PRELID3B: variants seen among roughly 807,000 people sequenced by gnomAD.
PRELID3B encodes the protein PRELI domain containing 3B, also known as PRELI domain containing protein 3B.
A neutral mutation model predicts 24.0 loss-of-function variants in PRELID3B; 15 were observed. That is an observed-to-expected ratio of 0.63 (90% CI 0.42 to 0.96). PRELID3B has a LOEUF of 0.96. Ranked by LOEUF, PRELID3B falls within the 40% of genes least tolerant of loss-of-function variation. The pLI, the probability that PRELID3B is intolerant of heterozygous loss-of-function variation, is 0.00. For missense variants in PRELID3B, 189 were observed against 236.0 expected (o/e 0.80, Z 1.30); for synonymous variants, 62 against 76.0 (o/e 0.82, Z 0.96).
intron 2 of PRELID3B, chr20:59,038,194 G>A: frequency 3.1e-6 from 1 of 321,570 alleles, no homozygotes; most frequent in African/African-American, 2.1e-5. Flanking sequence ...TCAAGTTGCT[G>A]GCAAAAGCAG....
chr20:59,037,649 A>G lies in PRELID3B; in HGVS notation c.202-369T>C, dbSNP rs2092083439. 2.0e-5 allele frequency among the ~76,000 whole-genome samples: 3 copies of G among 152,230 alleles called. No homozygotes were observed. In the South Asian group the frequency reaches 6.2e-4, roughly 32 times the overall value. ...GGAGAACTCAAAGGCATCTGTCAGT[A>G]TCTTCCTAGAACAGCCCAAGGGAGG... is the stretch of plus-strand genomic sequence containing the variant. On this transcript the variant is annotated intron_variant, in intron 2 of 5. Coordinates refer to ENST00000355937, the MANE Select transcript of PRELID3B (RefSeq NM_016045.3).
At position 59,040,410 on chromosome 20, in the gene PRELID3B, C is replaced by T. The variant is rs911359805; in HGVS notation, c.33-1776G>A. On this transcript the variant is annotated intron_variant, in intron 1 of 5. Coordinates refer to ENST00000355937, the MANE Select transcript of PRELID3B (RefSeq NM_016045.3). The surrounding 1 kb of genome is among the most constrained non-coding windows in gnomAD (Gnocchi z 4.1). ...CGGTCCAACTTCTTCACCTTTGAAA[C>T]GAGGTGAGGACATTATTAACTCCAC... Among the ~76,000 whole-genome samples, 5 of 152,298 alleles carry T rather than the reference C, an allele frequency of 3.3e-5. No individual in the cohort carries two copies. The highest frequency in any genetic ancestry group is 2.1e-4 in the South Asian group (1 of 4,828).
chr20:59,041,173 G>A (rs565417567), intron 1 of PRELID3B, among the ~76,000 whole-genome samples: 1 of 152,300 alleles, frequency 6.6e-6, no homozygotes, highest in African/African-American at 2.4e-5. Flanking sequence ...GAAGAGGACT[G>A]AAGCATGCAA....
chr20:59,035,295 G>A lies in PRELID3B; in HGVS notation c.466-169C>T, dbSNP rs76396025. Among the ~76,000 whole-genome samples the A allele has an allele frequency of 5.6e-3, 852 of 152,298 alleles. 4 individuals carry two copies. Among genetic ancestry groups the A allele is most frequent in the African/African-American group, 0.02 (816 of 41,546 alleles). On this transcript the variant is annotated intron_variant, in intron 5 of 5. Coordinates refer to ENST00000355937, the MANE Select transcript of PRELID3B (RefSeq NM_016045.3). ...TAATGTTATTTAGCAAACATCAAAT[G>A]CCTTGAGCAACTGGCTTGATCCATA...
At chr20:59,042,124 G>A (rs1354175118) in intron 1 of PRELID3B, among the ~76,000 whole-genome samples, 1 of 152,234 alleles carries the variant, frequency 6.6e-6, no homozygotes, top group Non-Finnish European at 1.5e-5. Context: ...GCTTGTTACA[G>A]CCAGAGCTAG....
chr20:59,035,173 G>T, intron 5 of PRELID3B, 47 bp from the exon 6 acceptor site: 1 of 1,552,038 alleles, frequency 6.4e-7, no homozygotes, highest in South Asian at 1.2e-5. Context: ...GAGAGCAAAG[G>T]CATATATCGA....
Position 59,034,535 on chromosome 20 carries a change from A to G in PRELID3B, c.*472T>C, listed in dbSNP as rs7474. ...GGTTTATAGCATAGTAAGGTATTTTACACAAAATATATTTTAAAACTACAC... is the reference window on the plus strand; with the variant it reads ...GGTTTATAGCATAGTAAGGTATTTTGCACAAAATATATTTTAAAACTACAC... On this transcript the variant is annotated 3_prime_UTR_variant, in exon 6 of 6. Coordinates refer to ENST00000355937, the MANE Select transcript of PRELID3B (RefSeq NM_016045.3). 0.41 allele frequency: 63,168 copies of G among 152,646 alleles called. 13,769 individuals are homozygous for G. Among genetic ancestry groups the G allele is most frequent in the East Asian group, 0.78 (4,035 of 5,180 alleles). 9.5% of individuals were successfully genotyped at this position (152,646 alleles called of 1,614,324 possible). A position where few individuals can be genotyped will look rare whatever the true frequency, so the allele number is the denominator to read the frequency against.
At chr20:59,041,952 A>C (rs541181155) in intron 1 of PRELID3B, among the ~76,000 whole-genome samples, 108 of 152,336 alleles carry the variant, frequency 7.1e-4, no homozygotes, top group African/African-American at 2.4e-3. Flanking sequence ...AGAGAATATA[A>C]TTCTCCACAT....
At chr20:59,038,345 C>G (rs1312067450) in intron 2 of PRELID3B, 121 bp downstream of exon 2, 1 of 772,614 alleles carries the variant, frequency 1.3e-6, no homozygotes, top group Non-Finnish European at 2.0e-6. Flanking sequence ...TATAATACAA[C>G]TTGAACGGAT....
chr20:59,034,904 A>C lies in PRELID3B; in HGVS notation c.*103T>G, dbSNP rs866025734. On this transcript the variant is annotated 3_prime_UTR_variant, in exon 6 of 6. Coordinates refer to ENST00000355937, the MANE Select transcript of PRELID3B (RefSeq NM_016045.3). ...CACCAACTTATCAAAAAAAAAAAAA[A>C]AAAAACTACCCAAAATATAGTTGTA... 1.1e-4 allele frequency: 125 copies of C among 1,173,412 alleles called. No individual in the cohort carries two copies. The Middle Eastern group carries it at 2.2e-3, about 21-fold the overall frequency. 72.7% of individuals were successfully genotyped at this position (1,173,412 alleles called of 1,614,324 possible). A position where few individuals can be genotyped will look rare whatever the true frequency, so the allele number is the denominator to read the frequency against.
chr20:59,037,480 A>C (rs1468766544), intron 2 of PRELID3B, among the ~76,000 whole-genome samples, 200 bp from the exon 3 acceptor site: 22 of 152,218 alleles, frequency 1.4e-4, no homozygotes, highest in Non-Finnish European at 2.4e-4. Flanking sequence ...AGACACAAAA[A>C]CTTTTCCCGG....
chr20:59,036,814 A>C, intron 3 of PRELID3B, 54 bp from the exon 4 acceptor site: 1 of 1,215,452 alleles, frequency 8.2e-7, no homozygotes, highest in East Asian at 2.4e-5. Context: ...CTGAAGATTC[A>C]AAATGTTGCT....
chr20:59,042,736 C>G lies in PRELID3B; in HGVS notation c.-6G>C. 1 of 1,601,570 alleles carries G rather than the reference C, an allele frequency of 6.2e-7. No homozygotes were observed. Among genetic ancestry groups the G allele is most frequent in the South Asian group, 1.1e-5 (1 of 88,518 alleles). ...TCCGAAGTCCAGATCTTCATGGTGCCGGCACCCTGAGAGATGTCCGGGTAG... is the reference window on the plus strand; with the variant it reads ...TCCGAAGTCCAGATCTTCATGGTGCGGGCACCCTGAGAGATGTCCGGGTAG... On this transcript the variant is annotated 5_prime_UTR_variant, in exon 1 of 6. Coordinates refer to ENST00000355937, the MANE Select transcript of PRELID3B (RefSeq NM_016045.3).
rs2092052321 is a variant in PRELID3B at position 59,033,998 on chromosome 20, C to T, written c.*1009G>A. The T allele has an allele frequency of 6.6e-6, 1 of 152,060 alleles. No individual in the cohort carries two copies. Among genetic ancestry groups the T allele is most frequent in the African/African-American group, 2.4e-5 (1 of 41,380 alleles). 9.4% of individuals were successfully genotyped at this position (152,060 alleles called of 1,614,324 possible). A position where few individuals can be genotyped will look rare whatever the true frequency, so the allele number is the denominator to read the frequency against. On this transcript the variant is annotated 3_prime_UTR_variant, in exon 6 of 6. Transcript: ENST00000355937. ...ACCGCCCCCAAATCCTGCAGTGGCA[C>T]CATATTATTAAAAACACTAAGTACC... is the stretch of plus-strand genomic sequence containing the variant.
At position 59,033,948 on chromosome 20, in the gene PRELID3B, C is replaced by A. The variant is rs1382407828; in HGVS notation, c.*1059G>T. 2 of 152,166 alleles carry A rather than the reference C, an allele frequency of 1.3e-5. No individual in the cohort carries two copies. The highest frequency in any genetic ancestry group is 3.8e-4 in the East Asian group (2 of 5,200). 9.4% of individuals were successfully genotyped at this position (152,166 alleles called of 1,614,324 possible). On this transcript the variant is annotated 3_prime_UTR_variant, in exon 6 of 6. Coordinates refer to ENST00000355937, the MANE Select transcript of PRELID3B (RefSeq NM_016045.3). Reference sequence around the variant, plus strand: ...TGGTTAGTTTCAGGCCAAGCCTCCCCCTACCATTATGCTTGTTCTTCCCCA... The same window carrying A: ...TGGTTAGTTTCAGGCCAAGCCTCCCACTACCATTATGCTTGTTCTTCCCCA...
rs1383725381 is a variant in PRELID3B at position 59,036,456 on chromosome 20, A to G, written c.465+15T>C. 2 of 1,578,658 alleles carry G rather than the reference A, an allele frequency of 1.3e-6. No homozygotes were observed. The highest frequency in any genetic ancestry group is 4.5e-5 in the East Asian group (2 of 44,744). ...ATGAACCAGGGAATAATAACCAAGA[A>G]GCAGCCTCACTTACTTTACTAGCAT... is the stretch of plus-strand genomic sequence containing the variant. On this transcript the variant is annotated intron_variant, in intron 5 of 5. Coordinates refer to ENST00000355937, the MANE Select transcript of PRELID3B (RefSeq NM_016045.3).
In PRELID3B at chr20:59,036,711, G is replaced by T; in HGVS notation, c.341C>A (p.Pro114Gln). 1 of 1,601,030 alleles carries T rather than the reference G, an allele frequency of 6.2e-7. No individual in the cohort carries two copies. Among genetic ancestry groups the T allele is most frequent in the Non-Finnish European group, 8.5e-7 (1 of 1,169,942 alleles). ...VSVDERLIYK[P>Q]HPQDPEKTVL... ...TCACTTTTCTGGATCCTGAGGATGTGGTTTGTATATAAGTCTCTCATCTAC... is the reference window on the plus strand; with the variant it reads ...TCACTTTTCTGGATCCTGAGGATGTTGTTTGTATATAAGTCTCTCATCTAC... Residue 114 changes from proline (P) to glutamine (Q), a missense_variant, in exon 4 of 6, where the codon CCA becomes CAA. By Grantham distance (76) the Pro-to-Gln change is moderately conservative. Coordinates refer to ENST00000355937, the MANE Select transcript of PRELID3B (RefSeq NM_016045.3).
At chr20:59,039,386 T>C (rs1411822570) in intron 1 of PRELID3B, among the ~76,000 whole-genome samples, 1 of 152,264 alleles carries the variant, frequency 6.6e-6, no homozygotes, top group Non-Finnish European at 1.5e-5. Flanking sequence ...TTGCAGTATC[T>C]TTATTTTCTT....
intron 3 of PRELID3B, 73 bp from the exon 4 acceptor site, chr20:59,036,833 C>T: frequency 1.0e-6 from 1 of 978,426 alleles, no homozygotes; most frequent in East Asian, 2.6e-5. Context: ...CTAAAATCAA[C>T]ACACAAGCCA....
Sources: gnomAD v4.1 joint callset for allele counts (sites outside exome capture counted in the v4.1 genomes callset) on GRCh38, gnomAD v4.1.1 for gene constraint, Gnocchi (gnomAD v3.1) non-coding constraint, MANE v1.5 for transcripts, NCBI Gene and HGNC (gene_info 2026-07-23, HGNC 2026-07-21) for gene names.